Variants in LDB2 observed in about 807,000 individuals in gnomAD.
LDB2 encodes the protein LIM domain binding 2.
A neutral mutation model predicts 44.3 loss-of-function variants in LDB2; 12 were observed. The observed-to-expected ratio is 0.27, with a 90% CI of 0.17 to 0.44. The LOEUF (loss-of-function observed/expected upper bound fraction) is 0.44. Among genes scored for constraint, LDB2 ranks in the 20% least tolerant of loss-of-function variants. The pLI is 1.00. For synonymous variants in LDB2, 164 were observed against 174.8 expected, an observed-to-expected ratio of 0.94 and a Z score of 0.49; for missense variants, 344 against 473.5, an observed-to-expected ratio of 0.73 and a Z score of 2.54.
intron 2 of LDB2, among the ~76,000 whole-genome samples, chr4:16,756,812 T>G (rs1766758735): frequency 6.6e-6 from 1 of 151,942 alleles, no homozygotes; most frequent in African/African-American, 2.4e-5. Context: ...TATGGCAACT[T>G]AGAGATAAAG....
chr4:16,820,165 T>G (rs947261051), intron 1 of LDB2, among the ~76,000 whole-genome samples: 4 of 152,338 alleles, frequency 2.6e-5, no homozygotes, highest in Admixed American at 2.0e-4. Context: ...CTCAAAAAAT[T>G]TAGAAATGAT....
intron 1 of LDB2, among the ~76,000 whole-genome samples, chr4:16,887,032 CAAAAAAAAAAAA>C (rs371783496): frequency 2.0e-5 from 1 of 50,446 alleles, no homozygotes; most frequent in Non-Finnish European, 3.7e-5. Context: ...AACTCCGTCT[CAAAAAAAAAAAA>C]AAAAAAAAAA....
chr4:16,820,924 T>G (rs933141264), intron 1 of LDB2, among the ~76,000 whole-genome samples: 1 of 152,228 alleles, frequency 6.6e-6, no homozygotes, highest in Non-Finnish European at 1.5e-5. Flanking sequence ...CCCAAAAGCC[T>G]AATTTCTCTA....
intron 1 of LDB2, among the ~76,000 whole-genome samples, chr4:16,779,838 C>T (rs866727880): frequency 7.9e-5 from 12 of 152,304 alleles, no homozygotes; most frequent in Middle Eastern, 6.8e-3. Flanking sequence ...TCTTAACTTG[C>T]TATTATAATT....
chr4:16,656,113 G>C (rs1739773175), intron 2 of LDB2, among the ~76,000 whole-genome samples: 1 of 151,960 alleles, frequency 6.6e-6, no homozygotes. Context: ...TGTTAGCCAG[G>C]ATGGTCCCGA....
chr4:16,846,715 T>C (rs994114162), intron 1 of LDB2, among the ~76,000 whole-genome samples: 1 of 152,300 alleles, frequency 6.6e-6, no homozygotes, highest in East Asian at 1.9e-4. Context: ...TCCCTAGAGC[T>C]CTCCATTAAT....
intron 1 of LDB2, among the ~76,000 whole-genome samples, chr4:16,772,296 T>C (rs1200598857): frequency 6.6e-6 from 1 of 152,210 alleles, no homozygotes; most frequent in Non-Finnish European, 1.5e-5. Context: ...ATTGTGTTCA[T>C]TGGGAATATA....
At chr4:16,787,043 A>T (rs1774590607) in intron 1 of LDB2, among the ~76,000 whole-genome samples, 1 of 152,178 alleles carries the variant, frequency 6.6e-6, no homozygotes, top group Non-Finnish European at 1.5e-5. Flanking sequence ...AGTCAGTCAC[A>T]AAATGGAAAT....
intron 2 of LDB2, among the ~76,000 whole-genome samples, chr4:16,753,250 A>G (rs1255964029): frequency 6.6e-6 from 1 of 152,232 alleles, no homozygotes; most frequent in Non-Finnish European, 1.5e-5. Flanking sequence ...AATCATGTAT[A>G]TAGCAAGCAC....
intron 2 of LDB2, among the ~76,000 whole-genome samples, chr4:16,637,393 G>T (rs1043928492): frequency 4.7e-5 from 6 of 128,672 alleles, no homozygotes; most frequent in African/African-American, 1.8e-4. Flanking sequence ...TTATTCATAA[G>T]CAATTATGTG....
intron 1 of LDB2, among the ~76,000 whole-genome samples, chr4:16,809,902 C>T (rs1424386788): frequency 1.3e-5 from 2 of 152,192 alleles, no homozygotes; most frequent in Non-Finnish European, 2.9e-5. Flanking sequence ...GGCTTTAATA[C>T]ACTCGGCGGT....
intron 1 of LDB2, among the ~76,000 whole-genome samples, chr4:16,769,793 C>A (rs2109332271): frequency 6.6e-6 from 1 of 152,288 alleles, no homozygotes; most frequent in South Asian, 2.1e-4. Flanking sequence ...GAGAGAGCAT[C>A]TCGGTGTTTC....
At chr4:16,642,542 G>T (rs531350296) in intron 2 of LDB2, among the ~76,000 whole-genome samples, 2 of 152,222 alleles carry the variant, frequency 1.3e-5, no homozygotes, top group Admixed American at 6.5e-5. Flanking sequence ...TCACAAAAAA[G>T]CATGAAGGAA....
intron 2 of LDB2, among the ~76,000 whole-genome samples, chr4:16,733,043 G>A (rs573639684): frequency 7.9e-4 from 121 of 152,226 alleles, no homozygotes; most frequent in African/African-American, 2.5e-3. Context: ...CCAGATACAC[G>A]TTTTTATAAA....
chr4:16,848,701 T>C (rs1397189797), intron 1 of LDB2, among the ~76,000 whole-genome samples: 3 of 152,198 alleles, frequency 2.0e-5, no homozygotes, highest in African/African-American at 7.2e-5. Context: ...CAGTAAATAA[T>C]AGCAATATCC....
chr4:16,742,255 A>G (rs1461859066), intron 2 of LDB2, among the ~76,000 whole-genome samples: 2 of 151,950 alleles, frequency 1.3e-5, no homozygotes, highest in Non-Finnish European at 1.5e-5. Flanking sequence ...TGTTTTTATT[A>G]GAGACGGGGC....
intron 2 of LDB2, chr4:16,674,275 C>T (rs4698505): frequency 6.2e-6 from 8 of 1,288,962 alleles, no homozygotes; most frequent in South Asian, 6.2e-5. Flanking sequence ...TCCGAATCCC[C>T]GAGCTGGTTG....
intron 1 of LDB2, among the ~76,000 whole-genome samples, chr4:16,836,588 C>T (rs1442102959): frequency 1.3e-5 from 2 of 152,178 alleles, no homozygotes; most frequent in African/African-American, 4.8e-5. Flanking sequence ...CCAACGTCTT[C>T]TCTACTATCA....
At chr4:16,856,685 A>C (rs1305528424) in intron 1 of LDB2, among the ~76,000 whole-genome samples, 2 of 152,312 alleles carry the variant, frequency 1.3e-5, no homozygotes, top group African/African-American at 4.8e-5. Context: ...ACTCTAAAGA[A>C]ATGCTCACAC....
Sources: gnomAD v4.1 joint callset for allele counts (sites outside exome capture counted in the v4.1 genomes callset) on GRCh38, gnomAD v4.1.1 for gene constraint, MANE v1.5 for transcripts, NCBI Gene and HGNC (gene_info 2026-07-23, HGNC 2026-07-21) for gene names.